Variants in BTK observed in about 807,000 individuals in gnomAD.
BTK encodes the protein Bruton tyrosine kinase, also known as tyrosine-protein kinase BTK.
BTK carries 5 observed loss-of-function variants against 57.4 expected under a neutral mutation model. The ratio of observed to expected loss-of-function variants is 0.09; its 90% confidence interval spans 0.05 to 0.18. The LOEUF is 0.18. Among genes scored for constraint, BTK ranks in the 10% least tolerant of loss-of-function variants. BTK has a pLI of 1.00. For synonymous variants in BTK, 154 were observed against 174.3 expected, an observed-to-expected ratio of 0.88 and a Z score of 0.92; for missense variants, 194 against 501.2, an observed-to-expected ratio of 0.39 and a Z score of 5.85.
intron 16 of BTK, chrX:101,354,208 A>T: frequency 2.3e-6 from 1 of 433,057 alleles, no homozygotes; most frequent in Non-Finnish European, 4.0e-6. Context: ...AGAAGGATGA[A>T]GTGAAATAAG....
At chrX:101,360,249 T>C (rs1049289386) in intron 8 of BTK, 99 bp from the exon 9 acceptor site, 146 of 618,347 alleles carry the variant, frequency 2.4e-4, no homozygotes, top group Middle Eastern at 9.2e-4. Context: ...AAATCTCAAA[T>C]GGAGGTATAT....
chrX:101,378,847 G>A (rs189670512), intron 1 of BTK, among the ~76,000 whole-genome samples: 1 of 110,935 alleles, frequency 9.0e-6, no homozygotes, highest in Non-Finnish European at 1.9e-5. Flanking sequence ...ACCATCTTGG[G>A]CTCTTATCTT....
intron 11 of BTK, 46 bp downstream of exon 11, chrX:101,358,571 G>C: frequency 8.5e-7 from 1 of 1,177,028 alleles, no homozygotes; most frequent in Non-Finnish European, 1.2e-6. Flanking sequence ...TATTAGGAGG[G>C]TACCCCTGTT....
In BTK at chrX:101,353,934, C is replaced by A. The variant is rs3208811; in HGVS notation, c.1686G>T (p.Arg562=). ...ACATCAGGACTTCCGGTGGGGACCA[C>A]CGGACTGGAAATTTGGAGCCTACTG... is the stretch of plus-strand genomic sequence containing the variant. ...TSSVGSKFPV[R]WSPPEVLMYS... Residue 562 remains arginine, a synonymous_variant, in exon 17 of 19, where the codon CGG becomes CGT. Transcript: ENST00000308731. 8.3e-7 allele frequency: 1 copy of A among 1,211,783 alleles called. No individual in the cohort carries two copies. Among genetic ancestry groups the A allele is most frequent in the South Asian group, 1.8e-5 (1 of 57,020 alleles).
chrX:101,373,812 C>A (rs1050736867), intron 3 of BTK, among the ~76,000 whole-genome samples: 1 of 111,360 alleles, frequency 9.0e-6, no homozygotes, highest in African/African-American at 3.3e-5. Context: ...GAGGCCGAGA[C>A]AGGCGGATCA....
chrX:101,351,788 C>T (rs889493331), intron 18 of BTK, among the ~76,000 whole-genome samples: 1 of 111,121 alleles, frequency 9.0e-6, no homozygotes, highest in Non-Finnish European at 1.9e-5. Flanking sequence ...CACGATGCAC[C>T]ATATTAAAAA....
At chrX:101,351,016 GAC>G (rs1926269897) in intron 18 of BTK, among the ~76,000 whole-genome samples, 1 of 111,290 alleles carries the variant, frequency 9.0e-6, no homozygotes, top group African/African-American at 3.3e-5. Context: ...TTTTTTTTGT[GAC>G]ACAGTCTCGC....
chrX:101,369,367 C>T (rs73635575), intron 5 of BTK, among the ~76,000 whole-genome samples: 3,021 of 112,096 alleles, frequency 0.027, 107 homozygotes, highest in African/African-American at 0.093. Flanking sequence ...ATCAAAGAAG[C>T]TTGTTGGCCT....
At position 101,380,137 on chromosome X, in the gene BTK, C is replaced by T. The variant is rs375641729; in HGVS notation, c.-30-4823G>A. On this transcript the variant is annotated intron_variant, in intron 1 of 18. Transcript: ENST00000308731. ...CTTCTATTTTTTTGAGACAGGGTCT[C>T]ACTCTGTCACCCAGGATGGAGTGCA... Among the ~76,000 whole-genome samples, 69 of 111,411 alleles carry T rather than the reference C, an allele frequency of 6.2e-4. 1 individual carries two copies. The highest frequency in any genetic ancestry group is 2.0e-3 in the African/African-American group (62 of 30,618).
intron 5 of BTK, among the ~76,000 whole-genome samples, chrX:101,364,409 CAA>C (rs782095484): frequency 1.0e-4 from 5 of 50,028 alleles, no homozygotes; most frequent in Admixed American, 2.4e-4. Context: ...AACTCCAACT[CAA>C]AAAAAAAAAA....
chrX:101,364,420 A>G (rs1397640646), intron 5 of BTK, among the ~76,000 whole-genome samples: 2 of 106,392 alleles, frequency 1.9e-5, no homozygotes, highest in Non-Finnish European at 3.8e-5. Flanking sequence ...AAAAAAAAAA[A>G]AAAAGAAAAG....
chrX:101,362,774 G>A, intron 5 of BTK, 85 bp from the exon 6 acceptor site: 2 of 1,182,465 alleles, frequency 1.7e-6, no homozygotes, highest in Middle Eastern at 2.4e-4. Flanking sequence ...GCTTAGTGGT[G>A]AACTTCAAGC....
chrX:101,351,120 T>A (rs1011300413), intron 18 of BTK, among the ~76,000 whole-genome samples: 1 of 111,492 alleles, frequency 9.0e-6, no homozygotes. Flanking sequence ...CTCAGCCTCC[T>A]GAGTAGCTGA....
intron 18 of BTK, 107 bp downstream of exon 18, chrX:101,353,085 AGG>A: frequency 4.2e-6 from 3 of 711,375 alleles, no homozygotes; most frequent in African/African-American, 2.2e-5. Context: ...AAAAAAAAAA[AGG>A]AAAAAAAAGA....
chrX:101,364,293 C>T (rs1926775684), intron 5 of BTK, among the ~76,000 whole-genome samples: 1 of 107,514 alleles, frequency 9.3e-6, no homozygotes, highest in Non-Finnish European at 1.9e-5. Flanking sequence ...CCTATAATCC[C>T]TGCTACTCGG....
At chrX:101,372,323 A>G (rs1927060544) in intron 3 of BTK, among the ~76,000 whole-genome samples, 1 of 112,564 alleles carries the variant, frequency 8.9e-6, no homozygotes, top group African/African-American at 3.2e-5. Context: ...AAGTATTAGA[A>G]ATGAGGTAAA....
chrX:101,363,536 T>C (rs1603011111), intron 5 of BTK, among the ~76,000 whole-genome samples: 1 of 109,865 alleles, frequency 9.1e-6, no homozygotes, highest in East Asian at 2.9e-4. Flanking sequence ...CTGGCCAAGA[T>C]GGTGAAACCC....
intron 5 of BTK, among the ~76,000 whole-genome samples, chrX:101,369,704 T>C (rs1349060391): frequency 9.1e-6 from 1 of 109,908 alleles, no homozygotes; most frequent in African/African-American, 3.3e-5. Context: ...CTCAATTGTA[T>C]TACTAATATT....
chrX:101,368,548 C>G (rs918750824), intron 5 of BTK, among the ~76,000 whole-genome samples: 1 of 111,881 alleles, frequency 8.9e-6, no homozygotes, highest in Non-Finnish European at 1.9e-5. Context: ...GTTTCCTCAT[C>G]TGTAAATAGG....
Sources: gnomAD v4.1 joint callset for allele counts (sites outside exome capture counted in the v4.1 genomes callset) on GRCh38, gnomAD v4.1.1 for gene constraint, MANE v1.5 for transcripts, NCBI Gene and HGNC (gene_info 2026-07-23, HGNC 2026-07-21) for gene names.